Variants in GRIN2A observed in about 807,000 individuals in gnomAD.
GRIN2A encodes glutamate receptor ionotropic, NMDA 2A.
GRIN2A carries 22 observed loss-of-function variants against 113.4 expected under a neutral mutation model. The observed-to-expected ratio is 0.19, with a 90% CI of 0.14 to 0.28. The LOEUF (loss-of-function observed/expected upper bound fraction) is 0.28. Ranked by LOEUF, GRIN2A falls within the 10% of genes least tolerant of loss-of-function variation. The pLI is 1.00. For synonymous variants in GRIN2A, 827 were observed against 738.4 expected (o/e 1.12, Z -1.94); for missense variants, 1,502 against 1,887.0 (o/e 0.80, Z 3.78).
At position 10,079,960 on chromosome 16, in the gene GRIN2A, C is replaced by T. The variant is rs149757790; in HGVS notation, c.414+100038G>A. The stretch of plus-strand genomic sequence containing the variant: ...CATGAGCACTTTGTATGAGAATGAG[C>T]AAGTTACCCTCTGTGCAATGCTGCT... On this transcript the variant is annotated intron_variant, in intron 2 of 12. Transcript: ENST00000330684. Among the ~76,000 whole-genome samples the T allele has an allele frequency of 3.3e-5, 5 of 152,316 alleles. No individual in the cohort carries two copies. The South Asian group carries it at 6.2e-4, about 19-fold the overall frequency.
intron 2 of GRIN2A, among the ~76,000 whole-genome samples, chr16:10,047,010 G>A (rs2047271943): frequency 6.6e-6 from 1 of 152,076 alleles, no homozygotes; most frequent in African/African-American, 2.4e-5. Context: ...AAGCACCCCT[G>A]GACTCTACCC....
At chr16:9,800,544 C>T (rs1480089858) in intron 10 of GRIN2A, among the ~76,000 whole-genome samples, 1 of 152,100 alleles carries the variant, frequency 6.6e-6, no homozygotes, top group Non-Finnish European at 1.5e-5. Context: ...GAAGGACTCC[C>T]TATGGGAACA....
intron 2 of GRIN2A, among the ~76,000 whole-genome samples, chr16:10,104,064 G>C (rs1023248086): frequency 6.6e-6 from 1 of 152,182 alleles, no homozygotes; most frequent in African/African-American, 2.4e-5. Context: ...CATAACCGAA[G>C]ATACAATATT....
intron 3 of GRIN2A, among the ~76,000 whole-genome samples, chr16:9,924,043 G>A (rs983423608): frequency 2.0e-5 from 3 of 150,242 alleles, no homozygotes; most frequent in African/African-American, 7.4e-5. Flanking sequence ...AGGAGAAGGT[G>A]GAGGTTGTAG....
chr16:10,000,253 G>A (rs368218686), intron 2 of GRIN2A, among the ~76,000 whole-genome samples: 2 of 152,226 alleles, frequency 1.3e-5, no homozygotes, highest in South Asian at 4.1e-4. Context: ...AAGCATTAGG[G>A]CATGGACACA....
chr16:10,146,120 T>C (rs2049433935), intron 2 of GRIN2A, among the ~76,000 whole-genome samples: 1 of 152,118 alleles, frequency 6.6e-6, no homozygotes, highest in Non-Finnish European at 1.5e-5. Flanking sequence ...ATCCATTTAT[T>C]CAACATTTTT....
chr16:10,111,406 G>T, intron 2 of GRIN2A: 1 of 511,956 alleles, frequency 2.0e-6, no homozygotes, highest in South Asian at 1.9e-5. Flanking sequence ...GATCAGTGGC[G>T]GCACCGGCTA....
chr16:10,021,753 G>C (rs1354650953), intron 2 of GRIN2A, among the ~76,000 whole-genome samples: 1 of 151,950 alleles, frequency 6.6e-6, no homozygotes, highest in Admixed American at 6.5e-5. Flanking sequence ...CCCTGTCAGG[G>C]GAGACAGGGT....
chr16:10,071,684 G>C (rs547523143), intron 2 of GRIN2A, among the ~76,000 whole-genome samples: 2 of 152,246 alleles, frequency 1.3e-5, no homozygotes, highest in East Asian at 1.9e-4. Context: ...TACTGAGCCT[G>C]TACTCTTGAG....
At chr16:9,858,553 A>G (rs1184570320) in intron 4 of GRIN2A, among the ~76,000 whole-genome samples, 3 of 152,184 alleles carry the variant, frequency 2.0e-5, no homozygotes, top group Non-Finnish European at 2.9e-5. Flanking sequence ...AATAATAATA[A>G]TAATTGACCG....
intron 2 of GRIN2A, among the ~76,000 whole-genome samples, chr16:9,983,120 C>G (rs879897815): frequency 3.3e-5 from 5 of 152,072 alleles, no homozygotes; most frequent in Non-Finnish European, 7.4e-5. Context: ...GTATTTAGAA[C>G]ATTAAAAAGT....
In GRIN2A at chr16:9,798,268, G is replaced by A. The variant is rs376853235; in HGVS notation, c.2356+9C>T. ...TCCCCCTAAAGAAAGGGGTCACCCGGGGTCTTACCATCACCCACAAACTGA... is the reference window on the plus strand; with the variant it reads ...TCCCCCTAAAGAAAGGGGTCACCCGAGGTCTTACCATCACCCACAAACTGA... On this transcript the variant is annotated intron_variant, in intron 11 of 12. Coordinates refer to ENST00000330684, the MANE Select transcript of GRIN2A (RefSeq NM_001134407.3). 1 of 1,612,424 alleles carries A rather than the reference G, an allele frequency of 6.2e-7. No individual in the cohort carries two copies. Among genetic ancestry groups the A allele is most frequent in the African/African-American group, 1.3e-5 (1 of 74,880 alleles).
intron 2 of GRIN2A, among the ~76,000 whole-genome samples, chr16:10,155,011 C>T (rs752682461): frequency 5.3e-5 from 8 of 152,132 alleles, no homozygotes; most frequent in South Asian, 2.1e-4. Flanking sequence ...GTGTCTGTAG[C>T]GCAGGACTTC....
chr16:9,935,512 T>TCACACA (rs71157793), intron 3 of GRIN2A, among the ~76,000 whole-genome samples: 13,381 of 132,730 alleles, frequency 0.1, 762 homozygotes, highest in African/African-American at 0.13. Context: ...GTCTACTTCA[T>TCACACA]CACACACACA....
chr16:9,923,480 C>T (rs867824820), intron 3 of GRIN2A, among the ~76,000 whole-genome samples: 8 of 151,972 alleles, frequency 5.3e-5, no homozygotes, highest in Admixed American at 2.0e-4. Context: ...AATCTTTGTT[C>T]TCTTTTTCCT....
intron 2 of GRIN2A, among the ~76,000 whole-genome samples, chr16:10,051,344 C>G (rs542843135): frequency 4.7e-4 from 71 of 152,228 alleles, no homozygotes; most frequent in African/African-American, 1.7e-3. Flanking sequence ...CTGCATGGGT[C>G]TCAGAGTCTG....
intron 5 of GRIN2A, among the ~76,000 whole-genome samples, chr16:9,841,404 T>C (rs1362809535): frequency 6.6e-6 from 1 of 151,766 alleles, no homozygotes; most frequent in Non-Finnish European, 1.5e-5. Context: ...TAGTTGATAT[T>C]TGTACACCCA....
chr16:9,850,326 C>G (rs750634049), intron 4 of GRIN2A, among the ~76,000 whole-genome samples: 2 of 152,116 alleles, frequency 1.3e-5, no homozygotes, highest in African/African-American at 4.8e-5. Context: ...TTTGATTCTC[C>G]CACTGTACCA....
chr16:10,065,056 G>T (rs1753441821), intron 2 of GRIN2A, among the ~76,000 whole-genome samples: 2 of 152,206 alleles, frequency 1.3e-5, no homozygotes, highest in African/African-American at 4.8e-5. Flanking sequence ...GGGAAATTTA[G>T]CAAAGTCTGG....
Sources: gnomAD v4.1 joint callset for allele counts (sites outside exome capture counted in the v4.1 genomes callset) on GRCh38, gnomAD v4.1.1 for gene constraint, MANE v1.5 for transcripts, NCBI Gene and HGNC (gene_info 2026-07-23, HGNC 2026-07-21) for gene names.